Variants in CFHR3 observed in about 807,000 individuals in gnomAD.
CFHR3 encodes the protein complement factor H related 3.
A neutral mutation model predicts 36.0 loss-of-function variants in CFHR3; 22 were observed. The ratio of observed to expected loss-of-function variants is 0.61; its 90% confidence interval spans 0.44 to 0.87. CFHR3 has a LOEUF of 0.87. Among genes scored for constraint, CFHR3 ranks in the 40% least tolerant of loss-of-function variants. The pLI is 0.00. For missense variants in CFHR3, 276 were observed against 401.3 expected (o/e 0.69, Z 2.67); for synonymous variants, 97 against 137.4 (o/e 0.71, Z 2.06).
In CFHR3 at chr1:196,779,364, AT is replaced by A. The variant is rs774487297; in HGVS notation, c.253+9del. 6.8e-7 allele frequency: 1 copy of A among 1,472,808 alleles called. No individual in the cohort carries two copies. Among genetic ancestry groups the A allele is most frequent in the Non-Finnish European group, 9.3e-7 (1 of 1,079,362 alleles). The allele number at this position is 1,472,808 out of a possible 1,614,324, so 91.2% of individuals were successfully genotyped here. A position where few individuals can be genotyped will look rare whatever the true frequency, so the allele number is the denominator to read the frequency against. On this transcript the variant is annotated intron_variant, in intron 2 of 5. Transcript: ENST00000367425. ...CAGCAGTACCATGTCTCAGTAAGTA[AT>A]CCTCTGAACTGCTACACATGTATAA...
Position 196,793,421 on chromosome 1 carries a change from A to T in CFHR3, c.901A>T (p.Met301Leu). Reference protein sequence around the residue: ...YAKTGDTIEFMCKLGYNANTS... With the variant: ...YAKTGDTIEFLCKLGYNANTS... Reference sequence around the variant, plus strand: ...AAAAACAGGGGATACCATTGAATTTATGTGTAAATTGGGATATAATGCAAA... The same window carrying T: ...AAAAACAGGGGATACCATTGAATTTTTGTGTAAATTGGGATATAATGCAAA... Residue 301 changes from methionine to leucine, a missense_variant, in exon 6 of 6, where the codon ATG (methionine) becomes TTG (leucine). By Grantham distance (15) the Met-to-Leu change is conservative (BLOSUM62 2). Coordinates refer to ENST00000367425, the MANE Select transcript of CFHR3 (RefSeq NM_021023.6). 1 of 1,527,510 alleles carries T rather than the reference A, an allele frequency of 6.5e-7. No homozygotes were observed. The highest frequency in any genetic ancestry group is 8.9e-7 in the Non-Finnish European group (1 of 1,129,478). The allele number at this position is 1,527,510 out of a possible 1,614,324, so 94.6% of individuals were successfully genotyped here.
At chr1:196,779,443 T>C (rs1452999919) in intron 2 of CFHR3, 87 bp downstream of exon 2, 4 of 1,094,728 alleles carry the variant, frequency 3.7e-6, no homozygotes, top group Non-Finnish European at 4.0e-6. Context: ...TCTTGTCTTA[T>C]GTAACAGAAA....
At chr1:196,787,170 C>G (rs421820) in intron 3 of CFHR3, among the ~76,000 whole-genome samples, 1 of 135,962 alleles carries the variant, frequency 7.4e-6, no homozygotes, top group Non-Finnish European at 1.6e-5. Context: ...ATTATAGGAG[C>G]AACTGTCCTC....
intron 4 of CFHR3, chr1:196,789,120 C>T (rs1484268374): frequency 4.9e-6 from 5 of 1,018,288 alleles, no homozygotes; most frequent in Non-Finnish European, 2.4e-6. Flanking sequence ...TATATATTCA[C>T]AAAGAGTTTT....
intron 1 of CFHR3, among the ~76,000 whole-genome samples, 191 bp from the exon 2 acceptor site, chr1:196,778,971 A>G (rs889258933): frequency 7.3e-6 from 1 of 137,140 alleles, no homozygotes; most frequent in Non-Finnish European, 1.5e-5. Context: ...TAAAATGACC[A>G]GATGAAGGGT....
chr1:196,774,911 C>T lies in CFHR3; in HGVS notation c.25C>T (p.Leu9=). The change falls in exon 1 of 6, where the codon CTG becomes TTG. Residue 9 remains leucine (L), a synonymous_variant. Coordinates refer to ENST00000367425, the MANE Select transcript of CFHR3 (RefSeq NM_021023.6). MLLLINVI[L]TLWVSCANGQ... ...CATGTTGTTACTAATCAATGTCATT[C>T]TGACCTTGTGGGTTTCCTGTGCTAA... 1 of 1,529,608 alleles carries T rather than the reference C, an allele frequency of 6.5e-7. No homozygotes were observed. Among genetic ancestry groups the T allele is most frequent in the Non-Finnish European group, 8.8e-7 (1 of 1,130,582 alleles). The allele number at this position is 1,529,608 out of a possible 1,614,324, so 94.8% of individuals were successfully genotyped here.
In CFHR3 at chr1:196,790,221, T is replaced by A; in HGVS notation, c.790T>A (p.Cys264Ser). Residue 264 changes from cysteine to serine, a missense_variant, in exon 5 of 6, where the codon TGC becomes AGC. By Grantham distance (112) the Cys-to-Ser change is moderately radical. Around this residue, in one of 3 missense-constraint regions of CFHR3, gnomAD observed 22 missense variants for 74.3 expected, o/e 0.30. Coordinates refer to ENST00000367425, the MANE Select transcript of CFHR3 (RefSeq NM_021023.6). ...TGGAGAGTGGTCGGAACCACCAAGA[T>A]GCATACGTAAGTTCTTAAAATTCTA... Reference protein sequence around the residue: ...SNGEWSEPPRCIHPCIITEEN... With the variant: ...SNGEWSEPPRSIHPCIITEEN... The A allele has an allele frequency of 7.8e-7, 1 of 1,283,502 alleles. No individual in the cohort carries two copies. Among genetic ancestry groups the A allele is most frequent in the Non-Finnish European group, 1.0e-6 (1 of 961,686 alleles). 79.5% of individuals were successfully genotyped at this position (1,283,502 alleles called of 1,614,324 possible). A position where few individuals can be genotyped will look rare whatever the true frequency, so the allele number is the denominator to read the frequency against.
chr1:196,782,387 C>G (rs1653992344), intron 3 of CFHR3, among the ~76,000 whole-genome samples: 1 of 136,834 alleles, frequency 7.3e-6, no homozygotes, highest in African/African-American at 3.1e-5. Context: ...TATAAATTAC[C>G]TTGGGCAGTA....
chr1:196,794,702 A>G lies in CFHR3; in HGVS notation c.*1189A>G. ...TTGTATATAAGGATTTTTTGAAAAG[A>G]TTGTATATCCCTGTTAACAAATTGA... On this transcript the variant is annotated 3_prime_UTR_variant, in exon 6 of 6. Coordinates refer to ENST00000367425, the MANE Select transcript of CFHR3 (RefSeq NM_021023.6). 6.4e-6 allele frequency: 2 copies of G among 312,518 alleles called. 1 individual carries two copies. The highest frequency in any genetic ancestry group is 1.2e-5 in the Non-Finnish European group (2 of 161,650). 19.4% of individuals were successfully genotyped at this position (312,518 alleles called of 1,614,324 possible).
At chr1:196,788,991 A>T in intron 4 of CFHR3, 1 of 1,305,484 alleles carries the variant, frequency 7.7e-7, no homozygotes, top group Non-Finnish European at 9.8e-7. Flanking sequence ...TTGCCAATGG[A>T]TTCTTTACAT....
intron 1 of CFHR3, among the ~76,000 whole-genome samples, chr1:196,775,616 T>C (rs1457371129): frequency 1.5e-5 from 2 of 137,262 alleles, no homozygotes; most frequent in Admixed American, 7.1e-5. Flanking sequence ...CATAGCGTTA[T>C]GTCATTGTTC....
Position 196,776,403 on chromosome 1 carries a change from C to T in CFHR3, c.58+1459C>T, listed in dbSNP as rs1447549030. 2.2e-5 allele frequency among the ~76,000 whole-genome samples: 3 copies of T among 137,480 alleles called. 1 individual carries two copies. Among genetic ancestry groups the T allele is most frequent in the African/African-American group, 6.0e-5 (2 of 33,146 alleles). The allele number at this position is 137,480 out of a possible 152,430, so 90.2% of individuals were successfully genotyped here. On this transcript the variant is annotated intron_variant, in intron 1 of 5. Transcript: ENST00000367425. ...ATCTTTGTGAATTCAGTAGCATTGG[C>T]TCAACTGCATCCCGCCAAAATTCAT...
In CFHR3 at chr1:196,779,474, T is replaced by C. The variant is rs571124580; in HGVS notation, c.253+118T>C. On this transcript the variant is annotated intron_variant, in intron 2 of 5. Transcript: ENST00000367425. ...AGAAATAGGGCCAAGAAATGAGTTG[T>C]TCAAGCAAAATGACCAAAATAGATC... 8.1e-5 allele frequency: 74 copies of C among 912,866 alleles called. 11 individuals carry two copies. The Admixed American group carries it at 1.5e-3, about 18-fold the overall frequency. 56.5% of individuals were successfully genotyped at this position (912,866 alleles called of 1,614,324 possible). A position where few individuals can be genotyped will look rare whatever the true frequency, so the allele number is the denominator to read the frequency against.
At position 196,793,507 on chromosome 1, in the gene CFHR3, C is replaced by T. The variant is rs368923425; in HGVS notation, c.987C>T (p.Cys329=). The T allele has an allele frequency of 4.7e-5, 71 of 1,522,430 alleles. 16 individuals are homozygous for T. In the African/African-American group the frequency reaches 4.8e-4, roughly 10 times the overall value. 94.3% of individuals were successfully genotyped at this position (1,522,430 alleles called of 1,614,324 possible). A position where few individuals can be genotyped will look rare whatever the true frequency, so the allele number is the denominator to read the frequency against. Residue 329 remains cysteine, a synonymous_variant, in exon 6 of 6, where the codon TGC becomes TGT. Coordinates refer to ENST00000367425, the MANE Select transcript of CFHR3 (RefSeq NM_021023.6). ...CREGIVEYPR[C]E ...AAGGGATAGTGGAATACCCCAGATG[C>T]GAATAAGGCAGCATTGTTACCCTAA...
intron 3 of CFHR3, among the ~76,000 whole-genome samples, chr1:196,782,822 C>T (rs1654013007): frequency 7.3e-6 from 1 of 136,990 alleles, no homozygotes. Context: ...GATCCCTGGC[C>T]AGAACTTCCA....
intron 1 of CFHR3, among the ~76,000 whole-genome samples, chr1:196,777,594 C>G (rs425524): frequency 0.28 from 38,369 of 135,596 alleles, 10,948 homozygotes; most frequent in East Asian, 0.51. Context: ...AATAATTTCC[C>G]TATGAAATTC....
intron 3 of CFHR3, among the ~76,000 whole-genome samples, chr1:196,787,328 T>G (rs1173559739): frequency 7.3e-6 from 1 of 137,012 alleles, no homozygotes; most frequent in Non-Finnish European, 1.5e-5. Flanking sequence ...AAACTGAACA[T>G]TGTAGTTTAG....
chr1:196,776,529 C>A (rs1247653112), intron 1 of CFHR3, among the ~76,000 whole-genome samples: 1 of 136,332 alleles, frequency 7.3e-6, no homozygotes, highest in Non-Finnish European at 1.6e-5. Context: ...TCAGGTGGGT[C>A]CTACTCCAAT....
At position 196,776,554 on chromosome 1, in the gene CFHR3, T is replaced by C. The variant is rs1208984731; in HGVS notation, c.58+1610T>C. 1.5e-4 allele frequency among the ~76,000 whole-genome samples: 21 copies of C among 136,080 alleles called. 1 individual carries two copies. The highest frequency in any genetic ancestry group is 1.5e-3 in the Admixed American group (21 of 14,070). 89.3% of individuals were successfully genotyped at this position (136,080 alleles called of 152,430 possible). ...CCTACTCCAATATAACTGGTGTCCA[T>C]ATAAGAAGAGAAAATAAGAACACAC... On this transcript the variant is annotated intron_variant, in intron 1 of 5. Transcript: ENST00000367425.
Sources: gnomAD v4.1 joint callset for allele counts (sites outside exome capture counted in the v4.1 genomes callset) on GRCh38, gnomAD v4.1.1 for gene constraint, gnomAD v4.1.1 regional missense constraint, MANE v1.5 for transcripts, NCBI Gene and HGNC (gene_info 2026-07-23, HGNC 2026-07-21) for gene names.